Variants in C5 observed in about 807,000 individuals in gnomAD.
C5 encodes the protein complement C5.
A neutral mutation model predicts 218.8 loss-of-function variants in C5; 140 were observed. That is an observed-to-expected ratio of 0.64 (90% confidence interval 0.56 to 0.74). C5 has a LOEUF of 0.74. C5 is among the 30% of genes least tolerant of loss of function. C5 has a pLI of 0.00. For synonymous variants in C5, 614 were observed against 682.3 expected (o/e 0.90, Z 1.56); for missense variants, 1,700 against 1,969.6 (o/e 0.86, Z 2.59).
intron 4 of C5, among the ~76,000 whole-genome samples, chr9:121,036,943 A>G (rs1281831866): frequency 6.6e-6 from 1 of 151,948 alleles, no homozygotes; most frequent in Non-Finnish European, 1.5e-5. Flanking sequence ...TTAGTAGTAT[A>G]CCTACTGTTA....
intron 29 of C5, among the ~76,000 whole-genome samples, chr9:120,976,436 A>G (rs1000632418): frequency 2.6e-5 from 4 of 152,236 alleles, no homozygotes; most frequent in Non-Finnish European, 5.9e-5. Flanking sequence ...ATCATGAAGG[A>G]AGTACTGGGC....
At chr9:120,955,771 T>C (rs2046779849) in intron 39 of C5, among the ~76,000 whole-genome samples, 1 of 152,020 alleles carries the variant, frequency 6.6e-6, no homozygotes, top group Non-Finnish European at 1.5e-5. Context: ...AATTTTAAAC[T>C]CTAGGGTATG....
At position 120,989,774 on chromosome 9, in the gene C5, A is replaced by G; in HGVS notation, c.2948T>C (p.Leu983Pro). The G allele has an allele frequency of 6.2e-7, 1 of 1,613,750 alleles. No individual in the cohort carries two copies. Among genetic ancestry groups the G allele is most frequent in the Non-Finnish European group, 8.5e-7 (1 of 1,179,630 alleles). Residue 983 changes from leucine (L) to proline (P), a missense_variant, in exon 24 of 41, where the codon CTT becomes CCT. Leu to Pro is a moderately conservative substitution (Grantham distance 98, BLOSUM62 -3). Transcript: ENST00000223642. ...IKRILSVKGL[L>P]VGEILSAVLS... ...AACTGCAGACAAGATCTCACCTACAAGCAGTCCTGAAACAAAAAAGATCAA... is the reference window on the plus strand; with the variant it reads ...AACTGCAGACAAGATCTCACCTACAGGCAGTCCTGAAACAAAAAAGATCAA...
chr9:121,034,631 T>C (rs1230080811), intron 5 of C5, among the ~76,000 whole-genome samples, 172 bp downstream of exon 5: 3 of 152,262 alleles, frequency 2.0e-5, no homozygotes, highest in Admixed American at 1.3e-4. Flanking sequence ...TGAGAAGTAT[T>C]GGAAATTTTT....
At chr9:121,020,769 T>C (rs946786658) in intron 11 of C5, among the ~76,000 whole-genome samples, 2 of 152,226 alleles carry the variant, frequency 1.3e-5, no homozygotes, top group Admixed American at 6.5e-5. Flanking sequence ...CACATACCAG[T>C]ACCACCACTT....
At chr9:121,005,104 T>C (rs1189174839) in intron 20 of C5, among the ~76,000 whole-genome samples, 1 of 152,178 alleles carries the variant, frequency 6.6e-6, no homozygotes, top group Non-Finnish European at 1.5e-5. Context: ...TAAAAAAATA[T>C]AGCTAGAATT....
the C5 span, among the ~76,000 whole-genome samples, chr9:121,067,686 C>T: frequency 6.6e-6 from 1 of 151,980 alleles, no homozygotes; most frequent in Non-Finnish European, 1.5e-5. Flanking sequence ...GGGAAGGTAC[C>T]TGGTGGGAGG....
At chr9:121,057,736 A>G in the C5 span, among the ~76,000 whole-genome samples, 1 of 152,156 alleles carries the variant, frequency 6.6e-6, no homozygotes, top group African/African-American at 2.4e-5. Context: ...CAAAACAAGC[A>G]GAAAACGAGT....
intron 12 of C5, among the ~76,000 whole-genome samples, chr9:121,018,811 G>A (rs956538844): frequency 1.3e-5 from 2 of 148,550 alleles, no homozygotes; most frequent in Admixed American, 6.7e-5. Context: ...GAAAGAGTGA[G>A]TTAACGTTTA....
intron 18 of C5, 129 bp from the exon 19 acceptor site, chr9:121,007,106 C>T: frequency 4.2e-6 from 3 of 711,028 alleles, no homozygotes; most frequent in Non-Finnish European, 7.7e-6. Flanking sequence ...GAGATGAAAT[C>T]ACATCATTAA....
Position 121,037,869 on chromosome 9 carries a change from TAA to T in C5, c.492+10_492+11del. On this transcript the variant is annotated intron_variant, in intron 4 of 40. Coordinates refer to ENST00000223642, the MANE Select transcript of C5 (RefSeq NM_001735.3). Reference sequence around the variant, plus strand: ...TGAATTAAAGTATTATTTAAATAAATAAAATACTTACTATGAAAGTTAAGACA... The same window carrying T: ...TGAATTAAAGTATTATTTAAATAAATAATACTTACTATGAAAGTTAAGACA... 7.8e-7 allele frequency: 1 copy of T among 1,285,380 alleles called. No homozygotes were observed. The highest frequency in any genetic ancestry group is 1.1e-6 in the Non-Finnish European group (1 of 910,944). The allele number at this position is 1,285,380 out of a possible 1,614,324, so 79.6% of individuals were successfully genotyped here.
intron 29 of C5, among the ~76,000 whole-genome samples, chr9:120,975,573 G>A (rs985330920): frequency 2.0e-5 from 3 of 152,076 alleles, no homozygotes; most frequent in African/African-American, 7.2e-5. Flanking sequence ...TTCATAAATG[G>A]ATTAATGCTG....
At chr9:120,989,422 T>G (rs758870501) in intron 24 of C5, 146 bp downstream of exon 24, 6 of 651,274 alleles carry the variant, frequency 9.2e-6, no homozygotes, top group Non-Finnish European at 1.6e-5. Context: ...GAAATAATAT[T>G]TATTTATATA....
intron 31 of C5, among the ~76,000 whole-genome samples, chr9:120,971,171 CAAA>C (rs1156915974): frequency 5.2e-5 from 3 of 57,938 alleles, no homozygotes; most frequent in East Asian, 5.6e-4. Context: ...GACTCCATCT[CAAA>C]AAAAAAAAAA....
chr9:121,013,733 T>C, intron 17 of C5, 140 bp downstream of exon 17: 1 of 805,528 alleles, frequency 1.2e-6, no homozygotes, highest in Admixed American at 2.4e-5. Context: ...TGAAGGATTT[T>C]TTTTTCTTAT....
chr9:121,064,443 GTTC>G, the C5 span, among the ~76,000 whole-genome samples: 76 of 152,150 alleles, frequency 5.0e-4, 1 homozygote, highest in Admixed American at 1.2e-3. Context: ...TTTCCTGATA[GTTC>G]TTATTAGACC....
intron 17 of C5, among the ~76,000 whole-genome samples, chr9:121,013,055 C>T (rs934022406): frequency 6.6e-6 from 1 of 152,146 alleles, no homozygotes; most frequent in African/African-American, 2.4e-5. Flanking sequence ...CACAGTGGCT[C>T]ACGCCTGTAA....
intron 17 of C5, among the ~76,000 whole-genome samples, chr9:121,009,172 T>A (rs1192231267): frequency 6.6e-6 from 1 of 152,236 alleles, no homozygotes; most frequent in African/African-American, 2.4e-5. Context: ...TCTGCCTTCT[T>A]TAACTTGGTA....
intron 14 of C5, among the ~76,000 whole-genome samples, chr9:121,016,975 T>C (rs1214376979): frequency 3.3e-5 from 5 of 152,168 alleles, no homozygotes; most frequent in Non-Finnish European, 7.4e-5. Context: ...GATTTTGAGA[T>C]TCTTCTGTGC....
Sources: gnomAD v4.1 joint callset for allele counts (sites outside exome capture counted in the v4.1 genomes callset) on GRCh38, gnomAD v4.1.1 for gene constraint, MANE v1.5 for transcripts, NCBI Gene and HGNC (gene_info 2026-07-23, HGNC 2026-07-21) for gene names.